MED27: variants seen among roughly 807,000 people sequenced by gnomAD.
MED27 encodes mediator complex subunit 27.
In MED27, 30 loss-of-function variants were observed where a neutral mutation model predicts 38.2. The observed-to-expected ratio is 0.79, with a 90% CI of 0.59 to 1.07. MED27 has a LOEUF of 1.07. MED27 is among the 50% of genes least tolerant of loss of function. The pLI, the probability that MED27 is intolerant of heterozygous loss-of-function variation, is 0.00. For synonymous variants in MED27, 122 were observed against 153.5 expected, an observed-to-expected ratio of 0.79 and a Z score of 1.52; for missense variants, 289 against 397.5, an observed-to-expected ratio of 0.73 and a Z score of 2.32.
At chr9:131,926,536 T>G (rs988241558) in intron 4 of MED27, among the ~76,000 whole-genome samples, 4 of 152,254 alleles carry the variant, frequency 2.6e-5, no homozygotes, top group African/African-American at 9.6e-5. Context: ...CCAGAGCTGC[T>G]GAATTGGAAT....
chr9:131,936,453 T>G (rs951994865), intron 4 of MED27, among the ~76,000 whole-genome samples: 4 of 152,190 alleles, frequency 2.6e-5, no homozygotes, highest in African/African-American at 7.2e-5. Context: ...AGACGGCTGG[T>G]TCCTCTAGGG....
At chr9:131,960,699 CGTATGT>C (rs975489599) in intron 3 of MED27, among the ~76,000 whole-genome samples, 42 of 152,066 alleles carry the variant, frequency 2.8e-4, no homozygotes, top group African/African-American at 9.7e-4. Context: ...CAAATTGGAG[CGTATGT>C]ACAGAAGATG....
At chr9:132,039,464 C>T (rs912223962) in intron 2 of MED27, among the ~76,000 whole-genome samples, 2 of 152,206 alleles carry the variant, frequency 1.3e-5, no homozygotes, top group Non-Finnish European at 2.9e-5. Flanking sequence ...ATGGCAAGTG[C>T]TCAATAAGTG....
intron 5 of MED27, among the ~76,000 whole-genome samples, chr9:131,885,361 G>C (rs987918680): frequency 6.6e-6 from 1 of 152,170 alleles, no homozygotes; most frequent in Non-Finnish European, 1.5e-5. Context: ...GAAGCCCCCG[G>C]GGGAAGGTTT....
intron 2 of MED27, among the ~76,000 whole-genome samples, chr9:132,048,265 T>C (rs1833384354): frequency 6.6e-6 from 1 of 152,098 alleles, no homozygotes; most frequent in Non-Finnish European, 1.5e-5. Context: ...ACAATTTTTC[T>C]CTCAGGAATG....
At chr9:131,875,033 GCTC>G (rs2131467263) in intron 6 of MED27, among the ~76,000 whole-genome samples, 1 of 152,296 alleles carries the variant, frequency 6.6e-6, no homozygotes, top group Non-Finnish European at 1.5e-5. Context: ...CCAAGAGGCA[GCTC>G]AGCCGCCAAG....
intron 2 of MED27, among the ~76,000 whole-genome samples, chr9:132,019,854 C>T (rs955154026): frequency 3.3e-5 from 5 of 152,194 alleles, no homozygotes; most frequent in Admixed American, 1.3e-4. Context: ...CAGGCAGCCA[C>T]GTTCCCATCA....
At chr9:132,060,376 G>A (rs1016490800) in intron 2 of MED27, among the ~76,000 whole-genome samples, 1 of 152,294 alleles carries the variant, frequency 6.6e-6, no homozygotes, top group Admixed American at 6.5e-5. Context: ...ATGTACACCT[G>A]TAAGATACAG....
intron 4 of MED27, among the ~76,000 whole-genome samples, chr9:131,900,100 G>T (rs1347364529): frequency 4.6e-5 from 7 of 152,220 alleles, no homozygotes; most frequent in African/African-American, 1.7e-4. Context: ...ACTCATGGTA[G>T]AGAGTCAGGG....
chr9:131,895,907 T>G (rs546755922), intron 4 of MED27, among the ~76,000 whole-genome samples: 2 of 151,986 alleles, frequency 1.3e-5, no homozygotes, highest in South Asian at 4.2e-4. Flanking sequence ...TATAGTTGTT[T>G]TTTTTTTTTG....
chr9:131,916,212 G>A (rs1043945523), intron 4 of MED27, among the ~76,000 whole-genome samples: 1 of 152,154 alleles, frequency 6.6e-6, no homozygotes, highest in African/African-American at 2.4e-5. Context: ...AAGAAATAAA[G>A]TAAAATATCA....
At chr9:132,065,225 G>A (rs1833783105) in intron 2 of MED27, among the ~76,000 whole-genome samples, 1 of 152,150 alleles carries the variant, frequency 6.6e-6, no homozygotes, top group Non-Finnish European at 1.5e-5. Context: ...ACGTATAGCG[G>A]CATCAAGAGA....
intron 2 of MED27, among the ~76,000 whole-genome samples, chr9:132,020,618 G>C (rs1352825814): frequency 6.6e-6 from 1 of 152,118 alleles, no homozygotes; most frequent in East Asian, 1.9e-4. Flanking sequence ...AATATGTTTT[G>C]TTTCCAGCTA....
chr9:132,001,414 C>T (rs1832231640), intron 3 of MED27, among the ~76,000 whole-genome samples: 1 of 152,110 alleles, frequency 6.6e-6, no homozygotes, highest in Non-Finnish European at 1.5e-5. Flanking sequence ...AAACAATACA[C>T]ATCAGATCAC....
Position 131,885,181 on chromosome 9 carries a change from A to G in MED27, c.682-1082T>C, listed in dbSNP as rs1357300289. ...TGCCAGGCACTGCACTAGGCCCTCC[A>G]CACACACTCATGTAATCCCCAGAAC... On this transcript the variant is annotated intron_variant, in intron 5 of 7. Transcript: ENST00000292035. Among the ~76,000 whole-genome samples the G allele has an allele frequency of 2.0e-5, 3 of 152,260 alleles. No individual in the cohort carries two copies. In the East Asian group the frequency reaches 5.8e-4, roughly 29 times the overall value.
chr9:132,047,264 G>A (rs1009862858), intron 2 of MED27, among the ~76,000 whole-genome samples: 2 of 152,060 alleles, frequency 1.3e-5, no homozygotes, highest in African/African-American at 4.8e-5. Flanking sequence ...ATGAGATGAG[G>A]GGAGGAGGAG....
intron 2 of MED27, among the ~76,000 whole-genome samples, chr9:132,073,937 G>GA (rs994915551): frequency 6.6e-5 from 10 of 152,016 alleles, no homozygotes; most frequent in Admixed American, 2.6e-4. Context: ...ATAAACAAAT[G>GA]AAAAAAATCA....
chr9:132,033,016 G>A (rs183113326), intron 2 of MED27, among the ~76,000 whole-genome samples: 287 of 152,290 alleles, frequency 1.9e-3, no homozygotes, highest in Non-Finnish European at 3.2e-3. Flanking sequence ...CAATTGGTCT[G>A]AACCAAAAGT....
chr9:131,918,190 G>T (rs1159261234), intron 4 of MED27, among the ~76,000 whole-genome samples: 1 of 152,212 alleles, frequency 6.6e-6, no homozygotes, highest in Non-Finnish European at 1.5e-5. Flanking sequence ...GGAAACCAGA[G>T]ATCTGAATTA....
Sources: allele counts gnomAD v4.1 joint callset (sites outside exome capture counted in the v4.1 genomes callset), GRCh38; gene constraint gnomAD v4.1.1; transcripts MANE v1.5; gene names NCBI Gene and HGNC (gene_info 2026-07-23, HGNC 2026-07-21).